NALF1: variants seen among roughly 807,000 people sequenced by gnomAD.
The protein encoded by NALF1 is family with sequence similarity 155 member A.
In NALF1, 3 loss-of-function variants were observed where a neutral mutation model predicts 48.4. That is an observed-to-expected ratio of 0.06 (90% confidence interval 0.03 to 0.16). The LOEUF (loss-of-function observed/expected upper bound fraction) is 0.16. Ranked by LOEUF, NALF1 falls within the 10% of genes least tolerant of loss-of-function variation. The pLI is 1.00. For missense variants in NALF1, 526 were observed against 571.5 expected, an observed-to-expected ratio of 0.92 and a Z score of 0.81; for synonymous variants, 262 against 245.7, an observed-to-expected ratio of 1.07 and a Z score of -0.62.
At chr13:107,596,596 T>C (rs1457849298) in intron 1 of NALF1, among the ~76,000 whole-genome samples, 2 of 152,010 alleles carry the variant, frequency 1.3e-5, no homozygotes, top group Non-Finnish European at 2.9e-5. Context: ...CTGCATGTTC[T>C]CACTCATAAG....
chr13:107,851,685 C>T (rs1378981059), intron 1 of NALF1, among the ~76,000 whole-genome samples: 3 of 151,838 alleles, frequency 2.0e-5, no homozygotes, highest in Non-Finnish European at 4.4e-5. Flanking sequence ...TGAGTAAAAT[C>T]TAATTTTCAG....
chr13:107,466,710 A>G (rs1251699706), intron 1 of NALF1: 1 of 152,228 alleles, frequency 6.6e-6, no homozygotes, highest in Non-Finnish European at 1.5e-5. Flanking sequence ...GAGAGAGTTT[A>G]TTTGATAATT....
At chr13:107,864,792 A>G (rs1316177760) in intron 1 of NALF1, among the ~76,000 whole-genome samples, 1 of 152,180 alleles carries the variant, frequency 6.6e-6, no homozygotes, top group Non-Finnish European at 1.5e-5. Flanking sequence ...GCATCGACCA[A>G]TTCTTAAGAA....
intron 1 of NALF1, among the ~76,000 whole-genome samples, chr13:107,553,787 C>G (rs1225958617): frequency 1.3e-5 from 2 of 152,182 alleles, no homozygotes; most frequent in Admixed American, 6.5e-5. Context: ...TTTAAGAATC[C>G]AAGACGCGAG....
At chr13:107,742,222 T>C (rs1876659490) in intron 1 of NALF1, among the ~76,000 whole-genome samples, 1 of 152,198 alleles carries the variant, frequency 6.6e-6, no homozygotes, top group Non-Finnish European at 1.5e-5. Context: ...CCCCGGCTAT[T>C]CATGTGCTGC....
intron 1 of NALF1, among the ~76,000 whole-genome samples, chr13:107,599,967 A>G (rs1038716502): frequency 2.0e-5 from 3 of 152,220 alleles, no homozygotes; most frequent in Non-Finnish European, 2.9e-5. Context: ...TAACTCTGAT[A>G]TAATGTTATT....
At chr13:107,455,203 C>T (rs1253487808) in intron 1 of NALF1, among the ~76,000 whole-genome samples, 1 of 152,084 alleles carries the variant, frequency 6.6e-6, no homozygotes, top group Non-Finnish European at 1.5e-5. Context: ...CTGAGGCCTC[C>T]CCAGCCATGC....
chr13:107,672,345 G>A (rs1452691365), intron 1 of NALF1, among the ~76,000 whole-genome samples: 1 of 152,166 alleles, frequency 6.6e-6, no homozygotes, highest in Non-Finnish European at 1.5e-5. Flanking sequence ...AGAAACTGAT[G>A]CAACATGTAT....
intron 1 of NALF1, among the ~76,000 whole-genome samples, chr13:107,430,603 T>C (rs559836450): frequency 2.4e-4 from 37 of 152,332 alleles, no homozygotes; most frequent in African/African-American, 8.4e-4. Flanking sequence ...TCCAGCTTCA[T>C]CCATGTACCT....
chr13:107,706,291 T>G (rs1185619566), intron 1 of NALF1, among the ~76,000 whole-genome samples: 1 of 152,208 alleles, frequency 6.6e-6, no homozygotes, highest in Non-Finnish European at 1.5e-5. Context: ...CTCTGCTCCC[T>G]TCTGGACCCT....
chr13:107,796,510 T>C (rs192616910), intron 1 of NALF1, among the ~76,000 whole-genome samples: 33 of 152,344 alleles, frequency 2.2e-4, no homozygotes, highest in Admixed American at 1.9e-3. Context: ...GATTTAATTA[T>C]ATTTTGTGAT....
intron 1 of NALF1, among the ~76,000 whole-genome samples, chr13:107,570,041 A>C (rs1877940907): frequency 6.6e-6 from 1 of 152,132 alleles, no homozygotes; most frequent in Non-Finnish European, 1.5e-5. Context: ...TTTTTTAGGT[A>C]ACTTTTGGTT....
intron 1 of NALF1, among the ~76,000 whole-genome samples, chr13:107,303,458 T>C (rs1033229575): frequency 2.0e-5 from 3 of 152,216 alleles, no homozygotes; most frequent in Admixed American, 6.5e-5. Context: ...ATTTGTGCCA[T>C]ACATAGTGTT....
At position 107,482,791 on chromosome 13, in the gene NALF1, G is replaced by A. The variant is rs550613454; in HGVS notation, c.916-272036C>T. On this transcript the variant is annotated intron_variant, in intron 1 of 2. Coordinates refer to ENST00000375915, the MANE Select transcript of NALF1 (RefSeq NM_001080396.3). ...TTGACAGTCAAGGAGAAGAATATGA[G>A]AAAACGCAGTCCCAAAGCAGTTCCC... Among the ~76,000 whole-genome samples, 147 of 152,274 alleles carry A rather than the reference G, an allele frequency of 9.7e-4. 1 individual carries two copies. Among genetic ancestry groups the A allele is most frequent in the African/African-American group, 2.9e-3 (120 of 41,570 alleles).
chr13:107,328,225 C>T (rs6492048), intron 1 of NALF1, among the ~76,000 whole-genome samples: 123,406 of 151,188 alleles, frequency 0.82, 50,939 homozygotes, highest in Middle Eastern at 0.9. Context: ...GCTACTTTTC[C>T]TTTTCCTAAA....
chr13:107,857,270 C>T (rs561261030), intron 1 of NALF1, among the ~76,000 whole-genome samples: 1 of 152,306 alleles, frequency 6.6e-6, no homozygotes, highest in Non-Finnish European at 1.5e-5. Flanking sequence ...CTAACTATGG[C>T]TGACTGGATA....
At chr13:107,210,464 A>C (rs887174119) in intron 2 of NALF1, 120 bp downstream of exon 2, 2 of 720,954 alleles carry the variant, frequency 2.8e-6, no homozygotes, top group South Asian at 3.7e-5. Context: ...AAAGTGCGGA[A>C]AACTACCAGC....
chr13:107,189,698 A>C (rs1808501807), intron 2 of NALF1, among the ~76,000 whole-genome samples: 1 of 152,224 alleles, frequency 6.6e-6, no homozygotes. Flanking sequence ...GAAAGGAATA[A>C]AAATTGCAAC....
intron 1 of NALF1, among the ~76,000 whole-genome samples, chr13:107,343,080 T>C (rs1000710633): frequency 6.6e-6 from 1 of 152,192 alleles, no homozygotes; most frequent in African/African-American, 2.4e-5. Context: ...ATACACATTT[T>C]TCTTAAGTTC....
Sources: allele counts gnomAD v4.1 joint callset (sites outside exome capture counted in the v4.1 genomes callset), GRCh38; gene constraint gnomAD v4.1.1; transcripts MANE v1.5; gene names NCBI Gene and HGNC (gene_info 2026-07-23, HGNC 2026-07-21).